Variants in PPP1R1B observed in about 807,000 individuals in gnomAD.
PPP1R1B encodes the protein protein phosphatase 1 regulatory inhibitor subunit 1B.
Under a neutral mutation model 28.2 loss-of-function variants are expected in PPP1R1B, and 13 were observed. The observed-to-expected ratio is 0.46, with a 90% CI of 0.30 to 0.73. PPP1R1B has a LOEUF of 0.73. Among genes scored for constraint, PPP1R1B ranks in the 30% least tolerant of loss-of-function variants. The pLI is 0.07. For missense variants in PPP1R1B, 236 were observed against 256.7 expected (o/e 0.92, Z 0.55); for synonymous variants, 102 against 97.5 (o/e 1.05, Z -0.27).
At position 39,633,987 on chromosome 17, in the gene PPP1R1B, T is replaced by A. The variant is rs745902423; in HGVS notation, c.346T>A (p.Tyr116Asn). 4 of 1,613,770 alleles carry A rather than the reference T, an allele frequency of 2.5e-6. No homozygotes were observed. Among genetic ancestry groups the A allele is most frequent in the Non-Finnish European group, 3.4e-6 (4 of 1,179,804 alleles). ...GCTGGGGGAGCTTCGGGAGCTGGGTTATCCAAGAGAGGAAGATGAGGAGGA... is the reference window on the plus strand; with the variant it reads ...GCTGGGGGAGCTTCGGGAGCTGGGTAATCCAAGAGAGGAAGATGAGGAGGA... ...DELGELRELG[Y>N]PREEDEEEEE... The change falls in exon 5 of 7, where the codon TAT (tyrosine) becomes AAT (asparagine). Residue 116 changes from tyrosine (Y) to asparagine (N), a missense_variant. Physicochemically the swap from Tyr to Asn is moderately radical, Grantham distance 143 (BLOSUM62 -2). Transcript: ENST00000254079.
At chr17:39,634,156 C>A in intron 5 of PPP1R1B, 70 bp downstream of exon 5, 1 of 1,587,022 alleles carries the variant, frequency 6.3e-7, no homozygotes, top group South Asian at 1.1e-5. Context: ...ACGTCCCCTT[C>A]TAGTTCAGTG....
At position 39,629,542 on chromosome 17, in the gene PPP1R1B, G is replaced by A; in HGVS notation, c.145G>A (p.Glu49Lys). 3.7e-6 allele frequency: 6 copies of A among 1,613,748 alleles called. No individual in the cohort carries two copies. Among genetic ancestry groups the A allele is most frequent in the Non-Finnish European group, 5.1e-6 (6 of 1,179,982 alleles). ...TTGGCTTTGGTGGCCTTCCTCAGAG[G>A]AGGAAGCCTCCCCCCACCAGGTGAG... ...FRLSEHSSPEEEASPHQRASG... is the reference protein window; with the variant it reads ...FRLSEHSSPEKEASPHQRASG... The change falls in exon 3 of 7, where the codon GAG becomes AAG. Residue 49 changes from glutamate (E) to lysine (K), a missense_variant and splice_region_variant. By Grantham distance (56) the Glu-to-Lys change is moderately conservative. Coordinates refer to ENST00000254079, the MANE Select transcript of PPP1R1B (RefSeq NM_032192.4).
At chr17:39,629,271 G>C (rs757384766) in intron 2 of PPP1R1B, 41 bp downstream of exon 2, 5 of 1,587,960 alleles carry the variant, frequency 3.1e-6, no homozygotes, top group South Asian at 1.1e-5. Flanking sequence ...CCCCACCCTA[G>C]CTCTGATGCC....
intron 4 of PPP1R1B, among the ~76,000 whole-genome samples, chr17:39,631,747 G>A (rs1190495455): frequency 2.6e-5 from 4 of 152,190 alleles, no homozygotes; most frequent in Non-Finnish European, 5.9e-5. Context: ...CTTTCCCCAG[G>A]ACAGGAAAAT....
At chr17:39,627,971 G>C (rs2056849503) in intron 1 of PPP1R1B, among the ~76,000 whole-genome samples, 2 of 152,140 alleles carry the variant, frequency 1.3e-5, no homozygotes, top group African/African-American at 4.8e-5. Context: ...TGTGTGCCTG[G>C]GCTGGGGTCT....
At chr17:39,628,015 C>T (rs1027448211) in intron 1 of PPP1R1B, among the ~76,000 whole-genome samples, 3 of 152,146 alleles carry the variant, frequency 2.0e-5, no homozygotes, top group East Asian at 3.9e-4. Context: ...GCTGTCAGGC[C>T]CCAGAGCCCC....
chr17:39,634,175 A>G (rs1421004050), intron 5 of PPP1R1B, 89 bp downstream of exon 5: 2 of 1,537,226 alleles, frequency 1.3e-6, no homozygotes, highest in African/African-American at 1.4e-5. Context: ...TGTCTCATAC[A>G]CGCAAACTGT....
chr17:39,629,672 C>T, intron 3 of PPP1R1B, 110 bp downstream of exon 3: 1 of 1,126,506 alleles, frequency 8.9e-7, no homozygotes. Context: ...CAAGAGGACA[C>T]ATTAGCATAT....
chr17:39,629,391 C>T lies in PPP1R1B; in HGVS notation c.143-149C>T, dbSNP rs111550709. On this transcript the variant is annotated intron_variant, in intron 2 of 6. Transcript: ENST00000254079. ...TTGGCTTTATTTATTGACATGACAC[C>T]TCCCAGCCGCAGGAGGGAGAGGGCA... The T allele has an allele frequency of 2.6e-3, 3,340 of 1,269,678 alleles. 68 individuals carry two copies. The African/African-American group carries it at 0.043, about 16-fold the overall frequency. 78.7% of individuals were successfully genotyped at this position (1,269,678 alleles called of 1,614,324 possible). A position where few individuals can be genotyped will look rare whatever the true frequency, so the allele number is the denominator to read the frequency against.
At chr17:39,635,053 A>G (rs1485591418) in intron 5 of PPP1R1B, among the ~76,000 whole-genome samples, 1 of 152,160 alleles carries the variant, frequency 6.6e-6, no homozygotes, top group Non-Finnish European at 1.5e-5. Flanking sequence ...AAAATTAGCC[A>G]GGCACAGTGG....
At chr17:39,630,077 G>C in intron 4 of PPP1R1B, 30 bp downstream of exon 4, 1 of 1,601,988 alleles carries the variant, frequency 6.2e-7, no homozygotes, top group Non-Finnish European at 8.6e-7. Flanking sequence ...CTTCCTGGCT[G>C]TCCGCCTGAT....
chr17:39,628,971 T>G (rs893972044), intron 1 of PPP1R1B, among the ~76,000 whole-genome samples, 199 bp from the exon 2 acceptor site: 1 of 152,196 alleles, frequency 6.6e-6, no homozygotes. Context: ...CTTAAGCACA[T>G]TGCCAAATCT....
chr17:39,633,569 A>C, intron 4 of PPP1R1B: 9 of 287,914 alleles, frequency 3.1e-5, no homozygotes, highest in East Asian at 7.8e-5. Flanking sequence ...CAGCCAGGGA[A>C]TGTTAAGCTG....
At chr17:39,630,157 G>A (rs529278627) in intron 4 of PPP1R1B, 110 bp downstream of exon 4, 24 of 1,061,174 alleles carry the variant, frequency 2.3e-5, no homozygotes, top group African/African-American at 3.2e-5. Context: ...CACATAGCCC[G>A]CTGTCAGCGT....
rs1192454055 is a variant in PPP1R1B at position 39,634,043 on chromosome 17, A to G, written c.402A>G (p.Glu134=). The part of the protein sequence containing the change: ...EEEDDEEEEE[E]EDSQAEVLKV... ...AGGATGATGAAGAAGAGGAAGAAGA[A>G]GAGGACAGCCAGGCTGAAGTCCTGA... Residue 134 remains glutamate, a synonymous_variant, in exon 5 of 7, where the codon GAA becomes GAG. Transcript: ENST00000254079. 21 of 1,613,916 alleles carry G rather than the reference A, an allele frequency of 1.3e-5. No homozygotes were observed. Among genetic ancestry groups the G allele is most frequent in the East Asian group, 2.2e-5 (1 of 44,872 alleles).
intron 1 of PPP1R1B, among the ~76,000 whole-genome samples, 187 bp from the exon 2 acceptor site, chr17:39,628,983 T>C (rs773035050): frequency 2.4e-4 from 36 of 152,228 alleles, no homozygotes; most frequent in Non-Finnish European, 5.0e-4. Context: ...GCCAAATCTC[T>C]CTGAGCCCTG....
At chr17:39,629,602 C>A (rs765237248) in intron 3 of PPP1R1B, 40 bp downstream of exon 3, 1 of 1,610,850 alleles carries the variant, frequency 6.2e-7, no homozygotes, top group Non-Finnish European at 8.5e-7. Context: ...GATGCCTGGG[C>A]CCCTTGGGGT....
chr17:39,636,359 C>T lies in PPP1R1B; in HGVS notation c.*494C>T, dbSNP rs1032720248. 1 of 155,072 alleles carries T rather than the reference C, an allele frequency of 6.4e-6. No individual in the cohort carries two copies. The highest frequency in any genetic ancestry group is 2.4e-5 in the African/African-American group (1 of 41,476). 9.6% of individuals were successfully genotyped at this position (155,072 alleles called of 1,614,324 possible). A position where few individuals can be genotyped will look rare whatever the true frequency, so the allele number is the denominator to read the frequency against. On this transcript the variant is annotated 3_prime_UTR_variant, in exon 7 of 7. Transcript: ENST00000254079. Reference sequence around the variant, plus strand: ...CTTCTACCAGGGTCCAGGACTAAGGCGTTTTTCTCCATAGCCTCAACATTT... The same window carrying T: ...CTTCTACCAGGGTCCAGGACTAAGGTGTTTTTCTCCATAGCCTCAACATTT...
At position 39,635,881 on chromosome 17, in the gene PPP1R1B, C is replaced by T; in HGVS notation, c.*16C>T. ...TGGCACATAGGCACCCAGCCTGCAT[C>T]TCCCAGGAGGAAGTGGAGGGGACAT... On this transcript the variant is annotated 3_prime_UTR_variant, in exon 7 of 7. Transcript: ENST00000254079. 6.2e-7 allele frequency: 1 copy of T among 1,611,988 alleles called. No homozygotes were observed. The highest frequency in any genetic ancestry group is 8.5e-7 in the Non-Finnish European group (1 of 1,179,812).
Sources: allele counts gnomAD v4.1 joint callset (sites outside exome capture counted in the v4.1 genomes callset), GRCh38; gene constraint gnomAD v4.1.1; transcripts MANE v1.5; gene names NCBI Gene and HGNC (gene_info 2026-07-23, HGNC 2026-07-21).